LETMD1: variants seen among roughly 807,000 people sequenced by gnomAD.
LETMD1 encodes the protein LETM1 domain containing 1.
A neutral mutation model predicts 43.9 loss-of-function variants in LETMD1; 30 were observed. The observed-to-expected ratio is 0.68, with a 90% CI of 0.51 to 0.93. The LOEUF is 0.93. Among genes scored for constraint, LETMD1 ranks in the 40% least tolerant of loss-of-function variants. The pLI, the probability that LETMD1 is intolerant of heterozygous loss-of-function variation, is 0.00. For synonymous variants in LETMD1, 176 were observed against 163.1 expected (o/e 1.08, Z -0.60); for missense variants, 413 against 447.7 (o/e 0.92, Z 0.70).
Position 51,048,413 on chromosome 12 carries a change from C to G in LETMD1, c.57C>G (p.Thr19=). 1 of 1,614,058 alleles carries G rather than the reference C, an allele frequency of 6.2e-7. No individual in the cohort carries two copies. ...CGGCTGTGTGGGGCTCGGCAGTCAC[C>G]CCTGGACATTTTGTCACCCGGAGGC... ...ARSAVWGSAV[T]PGHFVTRRLQ... is the part of the protein sequence containing the mutation. The change falls in exon 1 of 9, where the codon ACC becomes ACG. Residue 19 remains threonine, a synonymous_variant. Transcript: ENST00000262055.
At chr12:51,064,250 TG>T, downstream of LETMD1, 1 of 1,613,238 alleles carries the variant, frequency 6.2e-7, no homozygotes, top group Non-Finnish European at 8.5e-7. Flanking sequence ...GAATGGGGGC[TG>T]TAAGGCCTGG....
chr12:51,066,268 C>A, the LETMD1 span, among the ~76,000 whole-genome samples: 1 of 152,158 alleles, frequency 6.6e-6, no homozygotes, highest in Admixed American at 6.5e-5. Context: ...TCCTGGCCTA[C>A]ATGGTGAAAC....
intron 2 of LETMD1, among the ~76,000 whole-genome samples, chr12:51,051,610 G>A (rs1373235271): frequency 1.3e-5 from 2 of 151,650 alleles, no homozygotes; most frequent in East Asian, 3.9e-4. Context: ...GGGATTCTGA[G>A]GTGGGAGAAT....
intron 4 of LETMD1, 145 bp downstream of exon 4, chr12:51,054,005 T>G (rs1387086989): frequency 4.5e-6 from 3 of 666,018 alleles, no homozygotes; most frequent in Non-Finnish European, 2.6e-6. Flanking sequence ...CCAAGGTTCA[T>G]AAAAACCACT....
the LETMD1 span, chr12:51,067,983 G>T: frequency 5.6e-6 from 9 of 1,610,332 alleles, no homozygotes; most frequent in Admixed American, 1.5e-4. The surrounding 1 kb of genome is among the most constrained non-coding windows in gnomAD (Gnocchi z 4.1). Flanking sequence ...CCAAGAGACA[G>T]GAAAGGTTAG....
At chr12:51,057,627 CTT>C (rs36057122) in intron 7 of LETMD1, 1,596 of 162,266 alleles carry the variant, frequency 9.8e-3, no homozygotes, top group South Asian at 0.019. Context: ...GAGATTGTAA[CTT>C]TTTTTTTTTT....
chr12:51,063,655 C>T (rs1937796295), downstream of LETMD1: 4 of 995,034 alleles, frequency 4.0e-6, no homozygotes, highest in African/African-American at 1.6e-5. Flanking sequence ...ATGGGAGCAG[C>T]AGCTGCTTCT....
Position 51,056,436 on chromosome 12 carries a change from T to C in LETMD1, c.849T>C (p.Ile283=). The change falls in exon 7 of 9, where the codon ATT becomes ATC. Residue 283 remains isoleucine (I), a synonymous_variant. Coordinates refer to ENST00000262055, the MANE Select transcript of LETMD1 (RefSeq NM_015416.5). The part of the protein sequence containing the change: ...RHRLKTHTTV[I]HQLDKALAKL... ...GTTTGAAGACTCATACAACTGTGATTCACCAACTGGACAAGGCTTTGGCAA... is the reference window on the plus strand; with the variant it reads ...GTTTGAAGACTCATACAACTGTGATCCACCAACTGGACAAGGCTTTGGCAA... 2 of 1,614,204 alleles carry C rather than the reference T, an allele frequency of 1.2e-6. No homozygotes were observed. Among genetic ancestry groups the C allele is most frequent in the South Asian group, 1.1e-5 (1 of 91,086 alleles).
chr12:51,055,841 G>A lies in LETMD1; in HGVS notation c.480G>A (p.Leu160=), dbSNP rs1344216628. Reference sequence around the variant, plus strand: ...TGATTCTTTCTCCTTTCAGGTACCTGTTTCCCAGGCAACTACTGATCAGGC... The same window carrying A: ...TGATTCTTTCTCCTTTCAGGTACCTATTTCCCAGGCAACTACTGATCAGGC... The part of the protein sequence containing the change: ...ANYLVFLLMY[L]FPRQLLIRHF... The change falls in exon 5 of 9, where the codon CTG becomes CTA. Residue 160 remains leucine (L), a synonymous_variant. Coordinates refer to ENST00000262055, the MANE Select transcript of LETMD1 (RefSeq NM_015416.5). 3.1e-6 allele frequency: 5 copies of A among 1,597,952 alleles called. No homozygotes were observed. Among genetic ancestry groups the A allele is most frequent in the Non-Finnish European group, 4.3e-6 (5 of 1,172,222 alleles).
At chr12:51,055,306 C>T (rs1380414292) in intron 4 of LETMD1, among the ~76,000 whole-genome samples, 2 of 152,016 alleles carry the variant, frequency 1.3e-5, no homozygotes, top group Non-Finnish European at 2.9e-5. Context: ...CTTTCACATC[C>T]CATTTCAGTA....
intron 3 of LETMD1, among the ~76,000 whole-genome samples, chr12:51,052,650 G>A (rs1386533168): frequency 2.6e-5 from 4 of 151,574 alleles, no homozygotes; most frequent in East Asian, 3.9e-4. Context: ...GTGTGGTGGC[G>A]GGCGCCTGTA....
chr12:51,056,242 C>T lies in LETMD1; in HGVS notation c.759C>T (p.His253=), dbSNP rs114422947. The stretch of plus-strand genomic sequence containing the variant: ...GCATGAACCAACTCCAGGCTTTGCA[C>T]GTGGTGAGCACTTTGAGGGCTTCTC... ...PLGMNQLQAL[H]VKALSRAMLL... The change falls in exon 6 of 9, where the codon CAC becomes CAT. Residue 253 remains histidine, a synonymous_variant. Transcript: ENST00000262055. The T allele has an allele frequency of 2.2e-4, 349 of 1,614,130 alleles. 1 individual carries two copies. In the African/African-American group the frequency reaches 3.9e-3, roughly 18 times the overall value.
downstream of LETMD1, chr12:51,061,621 C>A (rs7722): frequency 0.29 from 44,517 of 152,362 alleles, 7,911 homozygotes; most frequent in East Asian, 0.69. Context: ...ACAACTGTAG[C>A]GTTAATGAAG....
chr12:51,065,501 T>G, the LETMD1 span, among the ~76,000 whole-genome samples: 1 of 152,208 alleles, frequency 6.6e-6, no homozygotes, highest in African/African-American at 2.4e-5. Context: ...TTATACCATT[T>G]TTTTTTCCTT....
downstream of LETMD1, chr12:51,063,303 TTA>T (rs1937760851): frequency 1.3e-5 from 2 of 153,022 alleles, no homozygotes; most frequent in Admixed American, 1.3e-4. Context: ...GTTTGAAGTA[TTA>T]TGACACACCA....
At position 51,049,132 on chromosome 12, in the gene LETMD1, T is replaced by C. The variant is rs777994109; in HGVS notation, c.221T>C (p.Phe74Ser). 4 of 1,613,938 alleles carry C rather than the reference T, an allele frequency of 2.5e-6. No homozygotes were observed. The African/African-American group carries it at 5.3e-5, about 22-fold the overall frequency. Residue 74 changes from phenylalanine to serine, a missense_variant, in exon 2 of 9, where the codon TTC becomes TCC. Phe to Ser is a radical substitution (Grantham distance 155). Transcript: ENST00000262055. ...GCGATTAATGGGAAATACCATCGTTTCTTGGGTCGTCATTTCCCCCGCTTC... is the reference window on the plus strand; with the variant it reads ...GCGATTAATGGGAAATACCATCGTTCCTTGGGTCGTCATTTCCCCCGCTTC... ...TKAINGKYHR[F>S]LGRHFPRFYV...
At chr12:51,064,098 A>G (rs1937854114), downstream of LETMD1, 3 of 1,614,168 alleles carry the variant, frequency 1.9e-6, no homozygotes, top group African/African-American at 1.3e-5. Context: ...CACTCCCAAG[A>G]CTGGCCTCTG....
the LETMD1 span, among the ~76,000 whole-genome samples, chr12:51,066,636 G>A: frequency 1.4e-4 from 5 of 35,694 alleles, no homozygotes; most frequent in African/African-American, 1.4e-4. Flanking sequence ...ACGAGACTCC[G>A]TCTCAAAAAA....
chr12:51,061,116 CTAAT>C (rs569007603), downstream of LETMD1: 100 of 152,080 alleles, frequency 6.6e-4, no homozygotes, highest in African/African-American at 2.3e-3. Flanking sequence ...CCTAACTGAC[CTAAT>C]TAGTTTTATA....
Sources: gnomAD v4.1 joint callset for allele counts (sites outside exome capture counted in the v4.1 genomes callset) on GRCh38, gnomAD v4.1.1 for gene constraint, Gnocchi (gnomAD v3.1) non-coding constraint, MANE v1.5 for transcripts, NCBI Gene and HGNC (gene_info 2026-07-23, HGNC 2026-07-21) for gene names.